Variants in ABAT observed in about 807,000 individuals in gnomAD.
ABAT encodes the protein 4-aminobutyrate aminotransferase, also known as 4-aminobutyrate aminotransferase, mitochondrial.
In ABAT, 45 loss-of-function variants were observed where a neutral mutation model predicts 64.6. The observed-to-expected ratio is 0.70, with a 90% CI of 0.55 to 0.89. The LOEUF (loss-of-function observed/expected upper bound fraction) is 0.89, where lower values mean the gene tolerates loss of function less well. Among genes scored for constraint, ABAT ranks in the 40% least tolerant of loss-of-function variants. ABAT has a pLI of 0.00. For missense variants in ABAT, 633 were observed against 658.4 expected (o/e 0.96, Z 0.42); for synonymous variants, 297 against 250.5 (o/e 1.19, Z -1.75).
At chr16:8,715,751 C>T (rs1487714838) in intron 1 of ABAT, 2 of 149,832 alleles carry the variant, frequency 1.3e-5, no homozygotes, top group East Asian at 3.9e-4. Flanking sequence ...ATGAATATGC[C>T]AATAATAAAT....
intron 1 of ABAT, chr16:8,683,140 A>C (rs1567268908): frequency 6.6e-6 from 1 of 152,230 alleles, no homozygotes; most frequent in African/African-American, 2.4e-5. Context: ...GGAAACCAGA[A>C]GCCCAGAGGA....
intron 5 of ABAT, among the ~76,000 whole-genome samples, chr16:8,756,300 T>G (rs2059647142): frequency 6.6e-6 from 1 of 152,208 alleles, no homozygotes; most frequent in African/African-American, 2.4e-5. Context: ...AGAATGTCTT[T>G]CAAAAAGCCC....
chr16:8,692,185 A>G (rs2057598892), intron 1 of ABAT, among the ~76,000 whole-genome samples: 1 of 152,140 alleles, frequency 6.6e-6, no homozygotes, highest in Admixed American at 6.5e-5. Flanking sequence ...GTTAGAGACC[A>G]GTCTGGGCAA....
chr16:8,737,976 G>GAAAGAAA (rs1567295584), intron 2 of ABAT, among the ~76,000 whole-genome samples: 1 of 71,358 alleles, frequency 1.4e-5, no homozygotes, highest in Non-Finnish European at 2.7e-5. Flanking sequence ...AAGGAAGGAA[G>GAAAGAAA]GAAGGAAGGA....
Position 8,768,961 on chromosome 16 carries a change from C to G in ABAT, c.804C>G (p.Arg268=). 1 of 1,614,166 alleles carries G rather than the reference C, an allele frequency of 6.2e-7. No homozygotes were observed. The highest frequency in any genetic ancestry group is 8.5e-7 in the Non-Finnish European group (1 of 1,180,024). The change falls in exon 11 of 16, where the codon CGC becomes CGG. Residue 268 remains arginine (R), a synonymous_variant. Transcript: ENST00000268251. ...FVKENQQEEA[R]CLEEVEDLIV... Reference sequence around the variant, plus strand: ...AAGAGAACCAACAGGAGGAGGCCCGCTGTCTGGAAGAGGTAATGCTCATAC... The same window carrying G: ...AAGAGAACCAACAGGAGGAGGCCCGGTGTCTGGAAGAGGTAATGCTCATAC...
intron 2 of ABAT, among the ~76,000 whole-genome samples, chr16:8,738,020 A>AG (rs1226056278): frequency 1.6e-5 from 2 of 126,454 alleles, no homozygotes; most frequent in Admixed American, 7.9e-5. Context: ...AAGAAAGGAA[A>AG]GAAAGAAAGA....
intron 1 of ABAT, chr16:8,715,402 G>C (rs961584386): frequency 6.6e-5 from 10 of 152,098 alleles, no homozygotes; most frequent in African/African-American, 2.4e-4. Flanking sequence ...AGGATCACTT[G>C]AAGTCAAGAG....
intron 1 of ABAT, among the ~76,000 whole-genome samples, chr16:8,718,289 G>T (rs1266280013): frequency 6.6e-6 from 1 of 152,118 alleles, no homozygotes; most frequent in South Asian, 2.1e-4. Context: ...GGAAAGAAAA[G>T]AAATCTTACT....
intron 14 of ABAT, among the ~76,000 whole-genome samples, chr16:8,778,592 T>C (rs900801237): frequency 6.0e-5 from 9 of 150,588 alleles, no homozygotes; most frequent in Non-Finnish European, 1.3e-4. Context: ...CTGGCCTACA[T>C]TGTGAAACCA....
chr16:8,777,578 ATG>A lies in ABAT; in HGVS notation c.1269+1099_1269+1100del, dbSNP rs552428913. On this transcript the variant is annotated intron_variant, in intron 14 of 15. Coordinates refer to ENST00000268251, the MANE Select transcript of ABAT (RefSeq NM_020686.6). ...CTCCTAACCGTAAGGACGTGTGGGG[ATG>A]TGTGTGTGTGAGTGTGGCAGGCAGG... Among the ~76,000 whole-genome samples, 28 of 152,004 alleles carry A rather than the reference ATG, an allele frequency of 1.8e-4. 1 individual carries two copies. In the South Asian group the frequency reaches 5.2e-3, roughly 28 times the overall value.
chr16:8,768,316 A>T, intron 10 of ABAT, 60 bp downstream of exon 10: 1 of 1,548,954 alleles, frequency 6.5e-7, no homozygotes, highest in Non-Finnish European at 8.9e-7. Flanking sequence ...TAACGGCAAC[A>T]ATAGCGGCGG....
chr16:8,740,401 C>T (rs968067250), intron 2 of ABAT, among the ~76,000 whole-genome samples: 20 of 152,128 alleles, frequency 1.3e-4, no homozygotes, highest in Non-Finnish European at 2.5e-4. Flanking sequence ...CTCAACTTGG[C>T]GGTTGGACGA....
chr16:8,768,883 C>A lies in ABAT; in HGVS notation c.726C>A (p.Asp242Glu). 6.2e-7 allele frequency: 1 copy of A among 1,614,222 alleles called. No individual in the cohort carries two copies. Among genetic ancestry groups the A allele is most frequent in the Non-Finnish European group, 8.5e-7 (1 of 1,180,042 alleles). ...ACAAGATCGACATCCCTTCCTTTGACTGGCCCATCGCACCGTTCCCACGGC... is the reference window on the plus strand; with the variant it reads ...ACAAGATCGACATCCCTTCCTTTGAATGGCCCATCGCACCGTTCCCACGGC... The part of the protein sequence containing the change: ...AIHKIDIPSF[D>E]WPIAPFPRLK... The change falls in exon 11 of 16, where the codon GAC becomes GAA. Residue 242 changes from aspartate to glutamate, a missense_variant. Coordinates refer to ENST00000268251, the MANE Select transcript of ABAT (RefSeq NM_020686.6).
intron 2 of ABAT, 167 bp downstream of exon 2, chr16:8,735,976 C>A (rs1596441122): frequency 3.1e-6 from 2 of 637,528 alleles, no homozygotes; most frequent in Admixed American, 5.3e-5. Context: ...AAAGGTACAC[C>A]TGAGACTGGG....
At chr16:8,750,875 C>T (rs1417102693) in intron 5 of ABAT, among the ~76,000 whole-genome samples, 1 of 151,868 alleles carries the variant, frequency 6.6e-6, no homozygotes, top group East Asian at 1.9e-4. Context: ...CACAGTGGCA[C>T]CCAGGTAGGT....
At chr16:8,762,006 CCTT>C (rs572002488) in intron 6 of ABAT, among the ~76,000 whole-genome samples, 3 of 142,694 alleles carry the variant, frequency 2.1e-5, no homozygotes, top group Admixed American at 7.2e-5. Context: ...TCCTTCTTCT[CCTT>C]CTTCTTCTTT....
intron 11 of ABAT, among the ~76,000 whole-genome samples, chr16:8,772,025 A>G (rs886448595): frequency 6.6e-6 from 1 of 152,104 alleles, no homozygotes; most frequent in Non-Finnish European, 1.5e-5. Context: ...TCAGCCACCC[A>G]AAGTGCTGGG....
chr16:8,677,603 T>C (rs2057234416), intron 1 of ABAT, among the ~76,000 whole-genome samples: 1 of 152,126 alleles, frequency 6.6e-6, no homozygotes, highest in African/African-American at 2.4e-5. Flanking sequence ...GACTCCCCTG[T>C]GTATTGTAGG....
At chr16:8,742,594 G>A (rs2059194042) in intron 2 of ABAT, among the ~76,000 whole-genome samples, 1 of 152,108 alleles carries the variant, frequency 6.6e-6, no homozygotes, top group Non-Finnish European at 1.5e-5. Flanking sequence ...GCCGGGTACG[G>A]TGGCTTATGC....
Sources: gnomAD v4.1 joint callset for allele counts (sites outside exome capture counted in the v4.1 genomes callset) on GRCh38, gnomAD v4.1.1 for gene constraint, MANE v1.5 for transcripts, NCBI Gene and HGNC (gene_info 2026-07-23, HGNC 2026-07-21) for gene names.